The following COL24A1 variants were observed in gnomAD, a reference collection of about 807,000 sequenced individuals.
COL24A1 encodes collagen alpha-1(XXIV) chain.
COL24A1 carries 224 observed loss-of-function variants against 253.9 expected under a neutral mutation model. That is an observed-to-expected ratio of 0.88 (90% CI 0.79 to 0.99). COL24A1 has a LOEUF of 0.99. COL24A1 is among the 50% of genes least tolerant of loss of function. The pLI is 0.00. For synonymous variants in COL24A1, 685 were observed against 673.7 expected (o/e 1.02, Z -0.26); for missense variants, 2,131 against 2,068.5 (o/e 1.03, Z -0.59).
intron 7 of COL24A1, among the ~76,000 whole-genome samples, chr1:86,086,550 A>G (rs1048456118): frequency 5.9e-5 from 9 of 152,040 alleles, no homozygotes; most frequent in Non-Finnish European, 1.2e-4. Flanking sequence ...ATCCCACCAA[A>G]ACAACACCCC....
In COL24A1 at chr1:85,817,612, A is replaced by T. The variant is rs528864222; in HGVS notation, c.3843+422T>A. Among the ~76,000 whole-genome samples, 23 of 152,002 alleles carry T rather than the reference A, an allele frequency of 1.5e-4. No homozygotes were observed. The South Asian group carries it at 4.6e-3, about 30-fold the overall frequency. ...TTAATCTTTGTGATGAAAAGATTAAATTTTTTTTCCTAAGACTTTTTATTT... is the reference window on the plus strand; with the variant it reads ...TTAATCTTTGTGATGAAAAGATTAATTTTTTTTTCCTAAGACTTTTTATTT... On this transcript the variant is annotated intron_variant, in intron 46 of 59. Transcript: ENST00000370571.
At chr1:86,107,979 A>G (rs1705166007) in intron 5 of COL24A1, among the ~76,000 whole-genome samples, 1 of 152,178 alleles carries the variant, frequency 6.6e-6, no homozygotes, top group Admixed American at 6.5e-5. Flanking sequence ...TGCAAAATAA[A>G]TGTAAGTTTT....
intron 43 of COL24A1, among the ~76,000 whole-genome samples, chr1:85,825,064 C>T (rs968016219): frequency 6.9e-6 from 1 of 144,654 alleles, no homozygotes; most frequent in African/African-American, 2.5e-5. Flanking sequence ...CCAATGCTAT[C>T]CCTCTCCCCT....
chr1:86,023,106 C>T (rs938160493), intron 14 of COL24A1, 99 bp from the exon 15 acceptor site: 9 of 1,002,742 alleles, frequency 9.0e-6, no homozygotes, highest in Non-Finnish European at 9.0e-6. Flanking sequence ...AAACAGCCAA[C>T]TCACTAAGCT....
chr1:85,800,366 C>A (rs1671299837), intron 47 of COL24A1, among the ~76,000 whole-genome samples: 1 of 152,138 alleles, frequency 6.6e-6, no homozygotes, highest in Admixed American at 6.5e-5. Context: ...ATTCCTGCCC[C>A]CAACCTGACA....
chr1:86,091,557 C>T (rs1316582645), intron 6 of COL24A1, among the ~76,000 whole-genome samples: 1 of 152,118 alleles, frequency 6.6e-6, no homozygotes, highest in Non-Finnish European at 1.5e-5. Context: ...CTAAACAAAA[C>T]TTCCCAGATG....
intron 7 of COL24A1, among the ~76,000 whole-genome samples, chr1:86,064,228 AAC>A (rs959004403): frequency 1.4e-4 from 22 of 152,110 alleles, no homozygotes; most frequent in African/African-American, 4.6e-4. Context: ...TCATTGTCAT[AAC>A]ACCCCATGAA....
intron 57 of COL24A1, among the ~76,000 whole-genome samples, chr1:85,743,083 AT>A (rs1250667485): frequency 6.6e-6 from 1 of 152,124 alleles, no homozygotes; most frequent in African/African-American, 2.4e-5. Flanking sequence ...CTAGAGTAAT[AT>A]TTTAAAAATC....
At chr1:86,059,435 A>G (rs1031715139) in intron 8 of COL24A1, among the ~76,000 whole-genome samples, 2 of 152,158 alleles carry the variant, frequency 1.3e-5, no homozygotes, top group Non-Finnish European at 2.9e-5. Context: ...ATACTAAAAC[A>G]GACATTTATT....
At chr1:86,144,344 T>C (rs1572069662) in intron 2 of COL24A1, among the ~76,000 whole-genome samples, 1 of 152,140 alleles carries the variant, frequency 6.6e-6, no homozygotes, top group Admixed American at 6.6e-5. Context: ...TTTCTTTGCA[T>C]GGGTTTCTAA....
At chr1:86,105,677 G>A (rs1198562651) in intron 5 of COL24A1, among the ~76,000 whole-genome samples, 1 of 152,146 alleles carries the variant, frequency 6.6e-6, no homozygotes, top group Non-Finnish European at 1.5e-5. Flanking sequence ...ATATGCTCCT[G>A]TAACACACCC....
chr1:85,810,135 T>C (rs547605830), intron 47 of COL24A1, among the ~76,000 whole-genome samples: 162 of 152,074 alleles, frequency 1.1e-3, no homozygotes, highest in African/African-American at 3.4e-3. Context: ...ACTGACCAAA[T>C]ACAGCTAAAA....
intron 35 of COL24A1, among the ~76,000 whole-genome samples, chr1:85,872,861 T>C (rs1450657208): frequency 6.6e-6 from 1 of 152,004 alleles, no homozygotes. Context: ...ACTAAAGAGC[T>C]TCTGCACAGA....
chr1:85,841,884 T>C (rs890627042), intron 41 of COL24A1, among the ~76,000 whole-genome samples, 184 bp downstream of exon 41: 17 of 152,242 alleles, frequency 1.1e-4, no homozygotes, highest in African/African-American at 3.9e-4. Flanking sequence ...CCATGGAAGA[T>C]ATTTTAATAA....
chr1:86,083,191 G>A (rs201502863), intron 7 of COL24A1, among the ~76,000 whole-genome samples: 15 of 151,834 alleles, frequency 9.9e-5, no homozygotes, highest in African/African-American at 3.4e-4. Flanking sequence ...CCAGCTACTC[G>A]GGAGGCTGAG....
chr1:86,058,593 T>C (rs1025549378), intron 9 of COL24A1, among the ~76,000 whole-genome samples: 6 of 151,606 alleles, frequency 4.0e-5, no homozygotes, highest in Admixed American at 1.3e-4. Context: ...GAAAGCTTGT[T>C]CTATTATTAA....
intron 14 of COL24A1, among the ~76,000 whole-genome samples, chr1:86,030,758 T>C (rs1431118965): frequency 6.6e-6 from 1 of 151,806 alleles, no homozygotes; most frequent in African/African-American, 2.4e-5. Context: ...TTCTTTTTTT[T>C]TTTTTTTGTT....
chr1:86,043,751 C>A (rs375725390), intron 12 of COL24A1, among the ~76,000 whole-genome samples: 2 of 152,148 alleles, frequency 1.3e-5, no homozygotes, highest in East Asian at 3.9e-4. Flanking sequence ...TGGTCTCGAT[C>A]TCTTGATCTC....
chr1:85,898,375 TC>T lies in COL24A1; in HGVS notation c.2779-1967del, dbSNP rs1266694258. On this transcript the variant is annotated intron_variant, in intron 28 of 59. Coordinates refer to ENST00000370571, the MANE Select transcript of COL24A1 (RefSeq NM_152890.7). ...TTAGGGTAACTGCATTCCTTGATCC[TC>T]TGAGGCACATTCAGGGATTTGGACA... Among the ~76,000 whole-genome samples the T allele has an allele frequency of 9.2e-5, 14 of 152,320 alleles. No homozygotes were observed. In the South Asian group the frequency reaches 2.9e-3, roughly 32 times the overall value.
Sources: allele counts gnomAD v4.1 joint callset (sites outside exome capture counted in the v4.1 genomes callset), GRCh38; gene constraint gnomAD v4.1.1; transcripts MANE v1.5; gene names NCBI Gene and HGNC (gene_info 2026-07-23, HGNC 2026-07-21).